Variants in MRPS35 observed in about 807,000 individuals in gnomAD.
MRPS35 encodes the protein small ribosomal subunit protein mS35.
Under a neutral mutation model 32.7 loss-of-function variants are expected in MRPS35, and 29 were observed. That is an observed-to-expected ratio of 0.89 (90% confidence interval 0.66 to 1.21). The LOEUF (loss-of-function observed/expected upper bound fraction) is 1.21. Ranked by LOEUF, MRPS35 falls within the 50% of genes most tolerant of loss-of-function variation. The pLI, the probability that MRPS35 is intolerant of heterozygous loss-of-function variation, is 0.00. For synonymous variants in MRPS35, 148 were observed against 139.3 expected (o/e 1.06, Z -0.44); for missense variants, 373 against 383.8 (o/e 0.97, Z 0.23).
rs2062021827 is a variant in MRPS35, at chr12:27,755,262, A to G, written c.784A>G (p.Ile262Val). The G allele has an allele frequency of 6.2e-7, 1 of 1,612,514 alleles. No individual in the cohort carries two copies. Among genetic ancestry groups the G allele is most frequent in the Non-Finnish European group, 8.5e-7 (1 of 1,179,720 alleles). ...IWENSSSERN[I>V]LETLLQMKAA... ...GGAAAATAGCTCATCAGAAAGAAAT[A>G]TCCTGGAAACGCTTCTCCAGATGAA... The change falls in exon 8 of 8, where the codon ATC becomes GTC. Residue 262 changes from isoleucine to valine, a missense_variant. Transcript: ENST00000081029.
At chr12:27,720,971 G>A (rs184992270) in intron 4 of MRPS35, among the ~76,000 whole-genome samples, 363 of 152,102 alleles carry the variant, frequency 2.4e-3, no homozygotes, top group African/African-American at 8.4e-3. Flanking sequence ...TGGTACCTTT[G>A]GATAAAGTCT....
Position 27,755,901 on chromosome 12 carries a change from A to G in MRPS35, c.*451A>G, listed in dbSNP as rs1327778600. The G allele has an allele frequency of 6.6e-6, 1 of 152,624 alleles. No individual in the cohort carries two copies. Among genetic ancestry groups the G allele is most frequent in the African/African-American group, 2.4e-5 (1 of 41,442 alleles). 9.5% of individuals were successfully genotyped at this position (152,624 alleles called of 1,614,324 possible). On this transcript the variant is annotated 3_prime_UTR_variant, in exon 8 of 8. Transcript: ENST00000081029. ...GCTGTCTAGCTGATGCATTTTTCAC[A>G]TTTGTCAACTCTGGTTAGAAACAGG...
In MRPS35 at chr12:27,710,875, C is replaced by T. The variant is rs376834881; in HGVS notation, c.32C>T (p.Ser11Phe). Reference sequence around the variant, plus strand: ...GCCGCCGCGCTCCCAGCATGGCTGTCTCTGCAGTCGAGGGCAAGGACTCTG... The same window carrying T: ...GCCGCCGCGCTCCCAGCATGGCTGTTTCTGCAGTCGAGGGCAAGGACTCTG... MAAAALPAWL[S>F]LQSRARTLRA... Residue 11 changes from serine to phenylalanine, a missense_variant, in exon 1 of 8, where the codon TCT becomes TTT. Transcript: ENST00000081029. The T allele has an allele frequency of 4.3e-6, 7 of 1,611,198 alleles. No individual in the cohort carries two copies. The highest frequency in any genetic ancestry group is 3.3e-5 in the Admixed American group (2 of 59,996).
At chr12:27,728,078 GC>G (rs1443660500) in intron 5 of MRPS35, among the ~76,000 whole-genome samples, 17 of 152,044 alleles carry the variant, frequency 1.1e-4, no homozygotes, top group Non-Finnish European at 8.8e-5. Context: ...CAAATGTGGA[GC>G]CCGTGGAGAC....
chr12:27,710,867 A>C lies in MRPS35; in HGVS notation c.24A>C (p.Ala8=). 6.2e-7 allele frequency: 1 copy of C among 1,610,174 alleles called. No individual in the cohort carries two copies. Among genetic ancestry groups the C allele is most frequent in the Non-Finnish European group, 8.5e-7 (1 of 1,179,782 alleles). Residue 8 remains alanine, a synonymous_variant, in exon 1 of 8, where the codon GCA becomes GCC. Transcript: ENST00000081029. ...CCATGGCGGCCGCCGCGCTCCCAGCATGGCTGTCTCTGCAGTCGAGGGCAA... is the reference window on the plus strand; with the variant it reads ...CCATGGCGGCCGCCGCGCTCCCAGCCTGGCTGTCTCTGCAGTCGAGGGCAA... MAAAALP[A]WLSLQSRART... is the part of the protein sequence containing the mutation.
At chr12:27,746,449 C>A (rs1565471348) in intron 7 of MRPS35, among the ~76,000 whole-genome samples, 1 of 152,094 alleles carries the variant, frequency 6.6e-6, no homozygotes, top group Non-Finnish European at 1.5e-5. Context: ...CACTTCTGAT[C>A]CTAAGCATTT....
At chr12:27,752,065 A>T (rs143591836) in intron 7 of MRPS35, among the ~76,000 whole-genome samples, 1 of 141,432 alleles carries the variant, frequency 7.1e-6, no homozygotes, top group African/African-American at 2.8e-5. Flanking sequence ...ACATAGCAAG[A>T]CCCTGTCTCT....
chr12:27,712,407 A>G lies in MRPS35; in HGVS notation c.112+1452A>G, dbSNP rs557936561. Among the ~76,000 whole-genome samples the G allele has an allele frequency of 3.4e-4, 52 of 152,324 alleles. No homozygotes were observed. The South Asian group carries it at 0.011, about 31-fold the overall frequency. ...GAAAGGCTTGGAACAGGGAACTGAT[A>G]TAATGTGATTTACGTTTTTAAAAGA... On this transcript the variant is annotated intron_variant, in intron 1 of 7. Transcript: ENST00000081029.
chr12:27,754,396 C>G (rs2062018064), intron 7 of MRPS35, among the ~76,000 whole-genome samples: 1 of 152,106 alleles, frequency 6.6e-6, no homozygotes, highest in African/African-American at 2.4e-5. Context: ...GAAATAAATA[C>G]AGTCTCCTCT....
intron 7 of MRPS35, among the ~76,000 whole-genome samples, chr12:27,754,223 C>T (rs2062017392): frequency 6.6e-6 from 1 of 152,006 alleles, no homozygotes; most frequent in South Asian, 2.1e-4. Context: ...CACTGTACTC[C>T]AGCCTGGGCA....
At chr12:27,749,103 T>TA (rs533135650) in intron 7 of MRPS35, among the ~76,000 whole-genome samples, 109 of 151,610 alleles carry the variant, frequency 7.2e-4, no homozygotes, top group Middle Eastern at 6.8e-3. Context: ...TTACCAGTGT[T>TA]AATGGGCCAT....
chr12:27,729,010 A>G (rs988660742), intron 5 of MRPS35, among the ~76,000 whole-genome samples: 1 of 152,116 alleles, frequency 6.6e-6, no homozygotes, highest in Admixed American at 6.5e-5. Context: ...GAAGCTGACA[A>G]CCTAATCATT....
At chr12:27,755,097 A>AAT in intron 7 of MRPS35, 84 bp from the exon 8 acceptor site, 1 of 1,383,334 alleles carries the variant, frequency 7.2e-7, no homozygotes, top group Non-Finnish European at 9.7e-7. Context: ...AAAAAAAAAA[A>AAT]GAAGAAAGAA....
intron 2 of MRPS35, among the ~76,000 whole-genome samples, chr12:27,716,078 G>A (rs965685422): frequency 2.0e-5 from 3 of 152,158 alleles, no homozygotes; most frequent in African/African-American, 4.8e-5. Context: ...CCTTGCCAGA[G>A]GGTTTGAAGA....
intron 5 of MRPS35, among the ~76,000 whole-genome samples, chr12:27,724,878 G>A (rs772609459): frequency 6.6e-6 from 1 of 152,166 alleles, no homozygotes; most frequent in African/African-American, 2.4e-5. Context: ...GTGTTCAGCA[G>A]TCTCTTAACA....
At chr12:27,737,668 C>CA in intron 7 of MRPS35, 60 bp downstream of exon 7, 2 of 1,340,936 alleles carry the variant, frequency 1.5e-6, no homozygotes, top group Non-Finnish European at 2.1e-6. Flanking sequence ...GTTAACCTTT[C>CA]AAAATACTCT....
chr12:27,737,684 G>T, intron 7 of MRPS35, 76 bp downstream of exon 7: 1 of 1,186,558 alleles, frequency 8.4e-7, no homozygotes, highest in Non-Finnish European at 1.2e-6. Context: ...ACTCTTTGTG[G>T]CAAGTACTCA....
At chr12:27,752,188 C>A (rs2062007301) in intron 7 of MRPS35, among the ~76,000 whole-genome samples, 1 of 152,086 alleles carries the variant, frequency 6.6e-6, no homozygotes, top group African/African-American at 2.4e-5. Flanking sequence ...GGAGTTGAGC[C>A]TGGCGGTAGG....
intron 7 of MRPS35, among the ~76,000 whole-genome samples, chr12:27,750,348 T>C (rs1026486640): frequency 6.6e-6 from 1 of 152,218 alleles, no homozygotes; most frequent in African/African-American, 2.4e-5. Context: ...TTAAAATCTA[T>C]CCCAGTAAAT....
Sources: gnomAD v4.1 joint callset for allele counts (sites outside exome capture counted in the v4.1 genomes callset) on GRCh38, gnomAD v4.1.1 for gene constraint, MANE v1.5 for transcripts, NCBI Gene and HGNC (gene_info 2026-07-23, HGNC 2026-07-21) for gene names.